Variants in RYR2 observed in about 807,000 individuals in gnomAD.
RYR2 encodes the protein ryanodine receptor 2.
RYR2 carries 227 observed loss-of-function variants against 601.1 expected under a neutral mutation model. The ratio of observed to expected loss-of-function variants is 0.38; its 90% CI spans 0.34 to 0.42. The LOEUF (loss-of-function observed/expected upper bound fraction) is 0.42, where lower values mean the gene tolerates loss of function less well. Ranked by LOEUF, RYR2 falls within the 10% of genes least tolerant of loss-of-function variation. The probability of loss-of-function intolerance (pLI) is 1.00; values close to 1 mark genes in which losing one functional copy is unlikely to be tolerated. For synonymous variants in RYR2, 2,223 were observed against 2,175.1 expected (o/e 1.02, Z -0.61); for missense variants, 4,646 against 6,156.5 (o/e 0.75, Z 8.21).
chr1:237,371,178 G>C (rs1472274242), intron 6 of RYR2, among the ~76,000 whole-genome samples: 1 of 151,446 alleles, frequency 6.6e-6, no homozygotes, highest in Non-Finnish European at 1.5e-5. Context: ...TGTTTTTTGA[G>C]ATAGGGTCTT....
intron 37 of RYR2, among the ~76,000 whole-genome samples, chr1:237,616,017 G>A (rs1478732817): frequency 2.0e-5 from 3 of 152,084 alleles, no homozygotes; most frequent in Non-Finnish European, 2.9e-5. Flanking sequence ...TGTGGCTGCT[G>A]GTAGGAAAAT....
chr1:237,124,815 C>G (rs951982371), intron 1 of RYR2, among the ~76,000 whole-genome samples: 5 of 152,188 alleles, frequency 3.3e-5, no homozygotes, highest in African/African-American at 4.8e-5. Flanking sequence ...CTGACCACCC[C>G]CATCCCATCT....
intron 10 of RYR2, among the ~76,000 whole-genome samples, chr1:237,393,685 A>G (rs538376004): frequency 4.6e-5 from 7 of 152,356 alleles, no homozygotes; most frequent in African/African-American, 1.7e-4. Context: ...TGAGTTAGCT[A>G]AACAGTCTTG....
chr1:237,222,024 G>A (rs1683844329), intron 1 of RYR2, among the ~76,000 whole-genome samples: 1 of 152,172 alleles, frequency 6.6e-6, no homozygotes, highest in Non-Finnish European at 1.5e-5. Context: ...CAGGTCCTAT[G>A]AAGAGGAGGA....
rs1339794849 is a variant in RYR2, at chr1:237,180,648, A to ATATGTG, written c.49-89845_49-89840dup. 1.4e-5 allele frequency among the ~76,000 whole-genome samples: 2 copies of ATATGTG among 141,892 alleles called. No homozygotes were observed. The highest frequency in any genetic ancestry group is 7.3e-5 in the Admixed American group (1 of 13,738). The allele number at this position is 141,892 out of a possible 152,430, so 93.1% of individuals were successfully genotyped here. A position where few individuals can be genotyped will look rare whatever the true frequency, so the allele number is the denominator to read the frequency against. On this transcript the variant is annotated intron_variant, in intron 1 of 104. Transcript: ENST00000366574. The surrounding 1 kb of genome is among the most constrained non-coding windows in gnomAD (Gnocchi z 5.3). The stretch of plus-strand genomic sequence containing the variant: ...TGTATATGTGTATATATGTATATGT[A>ATATGTG]TATGTGTATATATGTATACATGTGT...
At chr1:237,295,552 C>T (rs953940875) in intron 2 of RYR2, among the ~76,000 whole-genome samples, 29 of 152,086 alleles carry the variant, frequency 1.9e-4, no homozygotes, top group Non-Finnish European at 1.2e-4. Context: ...CTCTTAATCA[C>T]CGAAAATACA....
intron 1 of RYR2, among the ~76,000 whole-genome samples, chr1:237,147,127 T>C (rs1030993197): frequency 6.6e-6 from 1 of 152,162 alleles, no homozygotes; most frequent in African/African-American, 2.4e-5. Context: ...GGAAACTCTT[T>C]TTACTTAAAA....
At chr1:237,155,738 G>T (rs1675257395) in intron 1 of RYR2, among the ~76,000 whole-genome samples, 1 of 152,038 alleles carries the variant, frequency 6.6e-6, no homozygotes, top group Non-Finnish European at 1.5e-5. Flanking sequence ...GGGATGAATG[G>T]GAATGGCTAG....
At chr1:237,649,229 A>G (rs540271965) in intron 49 of RYR2, among the ~76,000 whole-genome samples, 1 of 152,350 alleles carries the variant, frequency 6.6e-6, no homozygotes, top group Non-Finnish European at 1.5e-5. Context: ...TCATGTACTC[A>G]TTAATTTTAT....
At position 237,180,582 on chromosome 1, in the gene RYR2, A is replaced by G. The variant is rs1490391179; in HGVS notation, c.49-89915A>G. Among the ~76,000 whole-genome samples the G allele has an allele frequency of 1.4e-5, 2 of 146,728 alleles. No individual in the cohort carries two copies. Among genetic ancestry groups the G allele is most frequent in the Non-Finnish European group, 3.0e-5 (2 of 67,138 alleles). On this transcript the variant is annotated intron_variant, in intron 1 of 104. Coordinates refer to ENST00000366574, the MANE Select transcript of RYR2 (RefSeq NM_001035.3). The surrounding 1 kb of genome is among the most constrained non-coding windows in gnomAD (Gnocchi z 5.3). ...CAAATATATATATGTGTGTGTGTGT[A>G]TATATGTATATATAAGTATATATAT... is the stretch of plus-strand genomic sequence containing the variant.
intron 72 of RYR2, 125 bp from the exon 73 acceptor site, chr1:237,718,337 A>G (rs1689429529): frequency 6.0e-6 from 3 of 498,694 alleles, no homozygotes; most frequent in Non-Finnish European, 1.1e-5. Flanking sequence ...AATTTGTAGC[A>G]TGTAATTTTA....
chr1:237,797,379 TGAA>T (rs1159668098), intron 96 of RYR2, among the ~76,000 whole-genome samples: 1 of 152,060 alleles, frequency 6.6e-6, no homozygotes, highest in Non-Finnish European at 1.5e-5. Flanking sequence ...GGTGTTTTAC[TGAA>T]GAATTGCTGG....
At chr1:237,627,097 A>G (rs1679753332) in intron 40 of RYR2, among the ~76,000 whole-genome samples, 1 of 152,234 alleles carries the variant, frequency 6.6e-6, no homozygotes, top group African/African-American at 2.4e-5. Flanking sequence ...ACTAGGATTA[A>G]GTGCCTCATC....
At chr1:237,280,317 C>T (rs949682263) in intron 2 of RYR2, among the ~76,000 whole-genome samples, 9 of 151,980 alleles carry the variant, frequency 5.9e-5, no homozygotes, top group East Asian at 1.9e-4. Context: ...TGTTTCTTGA[C>T]GATTTCTCTA....
chr1:237,694,310 A>G (rs1345368149), intron 63 of RYR2, among the ~76,000 whole-genome samples: 2 of 151,488 alleles, frequency 1.3e-5, no homozygotes, highest in East Asian at 3.9e-4. Context: ...AAAAAAAAAA[A>G]GAAAAATTAC....
intron 25 of RYR2, among the ~76,000 whole-genome samples, chr1:237,543,405 C>A (rs1669502499): frequency 6.6e-6 from 1 of 152,150 alleles, no homozygotes; most frequent in South Asian, 2.1e-4. Flanking sequence ...TATTTGTTTT[C>A]TGGAGAATGA....
chr1:237,595,845 G>T (rs1675838285), intron 34 of RYR2, among the ~76,000 whole-genome samples, 188 bp downstream of exon 34: 1 of 152,050 alleles, frequency 6.6e-6, no homozygotes, highest in Non-Finnish European at 1.5e-5. Context: ...CTGCACTCCT[G>T]TGACCTGAGA....
chr1:237,445,341 C>A, intron 13 of RYR2, 60 bp from the exon 14 acceptor site: 5 of 1,604,968 alleles, frequency 3.1e-6, no homozygotes, highest in Non-Finnish European at 4.3e-6. Context: ...ACACATCTCC[C>A]TAACTCTAGT....
chr1:237,667,447 C>G (rs951178716), intron 57 of RYR2, among the ~76,000 whole-genome samples: 10 of 152,156 alleles, frequency 6.6e-5, no homozygotes, highest in Admixed American at 4.6e-4. Context: ...CTTGGCTAGT[C>G]TAAGGTCTCT....
Sources: gnomAD v4.1 joint callset for allele counts (sites outside exome capture counted in the v4.1 genomes callset) on GRCh38, gnomAD v4.1.1 for gene constraint, Gnocchi (gnomAD v3.1) non-coding constraint, MANE v1.5 for transcripts, NCBI Gene and HGNC (gene_info 2026-07-23, HGNC 2026-07-21) for gene names.